The following NOX5 variants were observed in gnomAD, a reference collection of about 807,000 sequenced individuals.
The protein encoded by NOX5 is NADPH oxidase 5.
Under a neutral mutation model 85.7 loss-of-function variants are expected in NOX5, and 76 were observed. The observed-to-expected ratio is 0.89, with a 90% CI of 0.74 to 1.07. The LOEUF (loss-of-function observed/expected upper bound fraction) is 1.07, where lower values mean the gene tolerates loss of function less well. Among genes scored for constraint, NOX5 ranks in the 50% least tolerant of loss-of-function variants. The pLI, the probability that NOX5 is intolerant of heterozygous loss-of-function variation, is 0.00. For synonymous variants in NOX5, 405 were observed against 401.4 expected (o/e 1.01, Z -0.11); for missense variants, 973 against 999.5 (o/e 0.97, Z 0.36).
chr15:69,034,419 T>A (rs1398887618), intron 5 of NOX5, among the ~76,000 whole-genome samples: 6 of 151,996 alleles, frequency 3.9e-5, no homozygotes, highest in Non-Finnish European at 7.4e-5. Context: ...ATTCCAGGAG[T>A]GGGAGACGTG....
intron 4 of NOX5, 99 bp from the exon 5 acceptor site, chr15:69,032,944 A>G: frequency 6.8e-7 from 1 of 1,467,356 alleles, no homozygotes; most frequent in Non-Finnish European, 9.0e-7. Context: ...CCTGCTTGCC[A>G]GACTTGGTCG....
chr15:69,022,194 A>T (rs1269086837), intron 1 of NOX5: 2 of 173,816 alleles, frequency 1.2e-5, no homozygotes, highest in African/African-American at 2.4e-5. Context: ...TTGCGCTGAG[A>T]GTGTGTGTCT....
At chr15:69,020,710 GC>G (rs2050286029) in intron 1 of NOX5, among the ~76,000 whole-genome samples, 1 of 151,800 alleles carries the variant, frequency 6.6e-6, no homozygotes, top group African/African-American at 2.4e-5. Context: ...TTTCCCTTGA[GC>G]CCAGAAACTA....
At chr15:69,019,577 A>G (rs2050273942) in intron 1 of NOX5, among the ~76,000 whole-genome samples, 1 of 152,232 alleles carries the variant, frequency 6.6e-6, no homozygotes, top group Non-Finnish European at 1.5e-5. Flanking sequence ...GCGTAAAGCA[A>G]TACAGAACTG....
chr15:69,053,644 G>A (rs1028796337), intron 14 of NOX5, among the ~76,000 whole-genome samples: 3 of 152,124 alleles, frequency 2.0e-5, no homozygotes, highest in Non-Finnish European at 4.4e-5. Context: ...TGCTTTGGAT[G>A]ATTTTCTTAG....
Position 69,033,224 on chromosome 15 carries a change from A to C in NOX5, c.802A>C (p.Met268Leu). ...SAHRDLGASV[M>L]VAKGCGQCLN... ...GCACCGGGACCTCGGCGCCAGCGTC[A>C]TGGTGGCCAAGGGCTGCGGCCAGTG... The change falls in exon 5 of 16, where the codon ATG (methionine) becomes CTG (leucine). Residue 268 changes from methionine (M) to leucine (L), a missense_variant. Physicochemically the swap from Met to Leu is conservative, Grantham distance 15. Coordinates refer to ENST00000388866, the MANE Select transcript of NOX5 (RefSeq NM_024505.4). 1 of 1,598,186 alleles carries C rather than the reference A, an allele frequency of 6.3e-7. No homozygotes were observed.
Position 69,038,911 on chromosome 15 carries a change from T to G in NOX5, c.1426T>G (p.Tyr476Asp). The change falls in exon 9 of 16, where the codon TAC becomes GAC. Residue 476 changes from tyrosine to aspartate, a missense_variant. Tyr to Asp is a radical substitution (Grantham distance 160). Coordinates refer to ENST00000388866, the MANE Select transcript of NOX5 (RefSeq NM_024505.4). ...PPFFHYRPGD[Y>D]LYLNIPTIAR... ...TTTTTTTCACTATAGACCTGGTGAC[T>G]ACTTGTATCTGAACATCCCCACCAT... 6.2e-7 allele frequency: 1 copy of G among 1,614,122 alleles called. No individual in the cohort carries two copies. The highest frequency in any genetic ancestry group is 2.2e-5 in the East Asian group (1 of 44,876).
At position 69,046,861 on chromosome 15, in the gene NOX5, A is replaced by C. The variant is rs545190178; in HGVS notation, c.1687A>C (p.Ile563Leu). The change falls in exon 11 of 16, where the codon ATC (isoleucine) becomes CTC (leucine). Residue 563 changes from isoleucine (I) to leucine (L), a missense_variant. Physicochemically the swap from Ile to Leu is conservative, Grantham distance 5 (BLOSUM62 2). Transcript: ENST00000388866. The stretch of plus-strand genomic sequence containing the variant: ...TTTGGAGAAACACAAATTCTGTAAC[A>C]TCAAGGTGAGAGGCTGCAGGGGTGG... The part of the protein sequence containing the change: ...ILLEKHKFCN[I>L]KCYIDGPYGT... 4 of 1,613,830 alleles carry C rather than the reference A, an allele frequency of 2.5e-6. No homozygotes were observed. Among genetic ancestry groups the C allele is most frequent in the Non-Finnish European group, 3.4e-6 (4 of 1,179,798 alleles).
chr15:69,048,664 T>C (rs2050707331), intron 13 of NOX5, among the ~76,000 whole-genome samples: 1 of 152,248 alleles, frequency 6.6e-6, no homozygotes, highest in African/African-American at 2.4e-5. Context: ...AAGTAATTTA[T>C]GTTTTTCTGG....
In NOX5 at chr15:69,060,044, T is replaced by C. The variant is rs1367748250; in HGVS notation, c.*3348T>C. ...GAGTCTTTTGCACCTAATTGTCACT[T>C]GTAATTTGGGGAACAAAAGCACAAA... On this transcript the variant is annotated 3_prime_UTR_variant, in exon 16 of 16. Coordinates refer to ENST00000388866, the MANE Select transcript of NOX5 (RefSeq NM_024505.4). 6.6e-6 allele frequency: 1 copy of C among 152,256 alleles called. No homozygotes were observed. Among genetic ancestry groups the C allele is most frequent in the Non-Finnish European group, 1.5e-5 (1 of 68,086 alleles). The allele number at this position is 152,256 out of a possible 1,614,324, so 9.4% of individuals were successfully genotyped here.
At chr15:69,044,543 G>T (rs924103433) in intron 10 of NOX5, among the ~76,000 whole-genome samples, 2 of 152,108 alleles carry the variant, frequency 1.3e-5, no homozygotes, top group Non-Finnish European at 2.9e-5. Flanking sequence ...TAAATAAATT[G>T]CTGATCACCT....
rs745668709 is a variant in NOX5 at position 69,035,313 on chromosome 15, CAGAG to C, written c.856-38_856-35del. The C allele has an allele frequency of 3.1e-6, 5 of 1,601,746 alleles. No individual in the cohort carries two copies. In the South Asian group the frequency reaches 4.5e-5, roughly 14 times the overall value. On this transcript the variant is annotated intron_variant, in intron 5 of 15. Coordinates refer to ENST00000388866, the MANE Select transcript of NOX5 (RefSeq NM_024505.4). ...GGCTGGGAAAAGAGGACAAGGCAGA[CAGAG>C]AGTGAGGCAGGGCTCTCTCCCACTC... is the stretch of plus-strand genomic sequence containing the variant.
intron 10 of NOX5, among the ~76,000 whole-genome samples, chr15:69,043,970 G>A (rs1035150593): frequency 6.6e-6 from 1 of 152,154 alleles, no homozygotes; most frequent in Non-Finnish European, 1.5e-5. Context: ...CGGATCATGA[G>A]GTCAGGAGAT....
chr15:69,025,840 C>A (rs1378124934), intron 1 of NOX5, among the ~76,000 whole-genome samples: 1 of 152,068 alleles, frequency 6.6e-6, no homozygotes, highest in African/African-American at 2.4e-5. Flanking sequence ...TACAGACAGC[C>A]CATCTGTGAG....
intron 14 of NOX5, among the ~76,000 whole-genome samples, chr15:69,050,944 C>T (rs776492952): frequency 2.7e-4 from 41 of 152,192 alleles, no homozygotes; most frequent in African/African-American, 7.7e-4. Flanking sequence ...CTCGAGGTAT[C>T]GTTTATCCTA....
intron 6 of NOX5, 47 bp from the exon 7 acceptor site, chr15:69,035,711 G>A (rs868156555): frequency 1.9e-6 from 3 of 1,596,216 alleles, no homozygotes; most frequent in Admixed American, 3.4e-5. Context: ...GGTGGAGTGG[G>A]AAGAGCTGGT....
chr15:69,055,562 G>A (rs1012997375), intron 15 of NOX5, 62 bp downstream of exon 15: 16 of 1,570,592 alleles, frequency 1.0e-5, no homozygotes, highest in African/African-American at 1.4e-5. Context: ...TCGAGGCAGC[G>A]GTGGGGAGAC....
At chr15:69,019,187 C>G (rs1024920331) in intron 1 of NOX5, among the ~76,000 whole-genome samples, 1 of 152,112 alleles carries the variant, frequency 6.6e-6, no homozygotes, top group Non-Finnish European at 1.5e-5. Context: ...ATTGTCATAC[C>G]CGGCAGTAAC....
Position 69,028,378 on chromosome 15 carries a change from C to T in NOX5, c.325+13C>T, listed in dbSNP as rs35262492. 763 of 1,582,052 alleles carry T rather than the reference C, an allele frequency of 4.8e-4. 2 individuals carry two copies. The African/African-American group carries it at 9.5e-3, about 20-fold the overall frequency. Reference sequence around the variant, plus strand: ...TATGACATCGATGGTAAGGGCTCTTCCTGGGTGTGGGCTGGGGTGGGGAGA... The same window carrying T: ...TATGACATCGATGGTAAGGGCTCTTTCTGGGTGTGGGCTGGGGTGGGGAGA... On this transcript the variant is annotated intron_variant, in intron 3 of 15. Coordinates refer to ENST00000388866, the MANE Select transcript of NOX5 (RefSeq NM_024505.4).
Sources: gnomAD v4.1 joint callset for allele counts (sites outside exome capture counted in the v4.1 genomes callset) on GRCh38, gnomAD v4.1.1 for gene constraint, MANE v1.5 for transcripts, NCBI Gene and HGNC (gene_info 2026-07-23, HGNC 2026-07-21) for gene names.